ADGRL3: variants seen among roughly 807,000 people sequenced by gnomAD.
The protein encoded by ADGRL3 is calcium-independent alpha-latrotoxin receptor 3.
A neutral mutation model predicts 153.5 loss-of-function variants in ADGRL3; 62 were observed. The ratio of observed to expected loss-of-function variants is 0.40; its 90% CI spans 0.33 to 0.50. The LOEUF is 0.50. ADGRL3 is among the 20% of genes least tolerant of loss of function. ADGRL3 has a pLI of 0.47. For synonymous variants in ADGRL3, 710 were observed against 672.5 expected (o/e 1.06, Z -0.86); for missense variants, 1,641 against 1,859.4 (o/e 0.88, Z 2.16).
At chr4:61,665,756 G>A (rs867166134) in intron 5 of ADGRL3, among the ~76,000 whole-genome samples, 28 of 152,084 alleles carry the variant, frequency 1.8e-4, no homozygotes, top group Middle Eastern at 3.2e-3. Context: ...TTGCTTACTG[G>A]TGATACCATA....
intron 2 of ADGRL3, among the ~76,000 whole-genome samples, chr4:61,495,151 C>T (rs1169336619): frequency 1.3e-5 from 2 of 152,042 alleles, no homozygotes; most frequent in African/African-American, 4.8e-5. Context: ...ACTTGCCCAA[C>T]GTAGTAGAAC....
At chr4:61,527,966 C>T (rs373092694) in intron 4 of ADGRL3, among the ~76,000 whole-genome samples, 56 of 152,050 alleles carry the variant, frequency 3.7e-4, no homozygotes, top group African/African-American at 1.4e-3. Context: ...ATGCCCTTTC[C>T]TCTCTTTTGT....
chr4:61,756,425 G>C (rs574435055), intron 8 of ADGRL3, among the ~76,000 whole-genome samples: 63 of 152,230 alleles, frequency 4.1e-4, no homozygotes, highest in African/African-American at 1.5e-3. Flanking sequence ...CTGTTTGTCT[G>C]TTATTGGTGT....
At chr4:61,861,436 T>C (rs2098339021) in intron 9 of ADGRL3, among the ~76,000 whole-genome samples, 2 of 152,048 alleles carry the variant, frequency 1.3e-5, no homozygotes, top group East Asian at 3.9e-4. Flanking sequence ...AATTAATGGG[T>C]TGGAAAATTA....
intron 11 of ADGRL3, among the ~76,000 whole-genome samples, chr4:61,909,269 T>C (rs775076580): frequency 2.0e-5 from 3 of 152,120 alleles, no homozygotes; most frequent in African/African-American, 4.8e-5. Flanking sequence ...GAGAAAATAA[T>C]AGGGCAAACC....
In ADGRL3 at chr4:61,789,401, T is replaced by C. The variant is rs149697062; in HGVS notation, c.1400-24408T>C. Among the ~76,000 whole-genome samples, 311 of 152,268 alleles carry C rather than the reference T, an allele frequency of 2.0e-3. 3 individuals carry two copies. Among genetic ancestry groups the C allele is most frequent in the African/African-American group, 7.2e-3 (298 of 41,564 alleles). ...TATGACACACTTGAAGACAGGCCAA[T>C]TAATCACCAAGCGTGCTGAGTAAAG... is the stretch of plus-strand genomic sequence containing the variant. On this transcript the variant is annotated intron_variant, in intron 8 of 26. Transcript: ENST00000683033.
At chr4:61,304,411 T>C (rs1375330206) in intron 1 of ADGRL3, among the ~76,000 whole-genome samples, 2 of 152,240 alleles carry the variant, frequency 1.3e-5, no homozygotes, top group Non-Finnish European at 2.9e-5. Context: ...CTTTAGGTTA[T>C]GCTACTAAAA....
intron 11 of ADGRL3, among the ~76,000 whole-genome samples, chr4:61,904,189 A>C (rs2098682873): frequency 6.6e-6 from 1 of 151,642 alleles, no homozygotes; most frequent in Non-Finnish European, 1.5e-5. Flanking sequence ...AAAAAAAAAA[A>C]AAAACACTTC....
intron 2 of ADGRL3, among the ~76,000 whole-genome samples, chr4:61,400,912 A>G (rs2096922706): frequency 1.3e-5 from 2 of 150,970 alleles, no homozygotes; most frequent in Admixed American, 1.3e-4. Flanking sequence ...AAGGTCTGTT[A>G]GAATTCTCAT....
chr4:61,583,780 A>G (rs2098935458), intron 4 of ADGRL3: 2 of 516,874 alleles, frequency 3.9e-6, no homozygotes, highest in Non-Finnish European at 7.7e-6. Flanking sequence ...GCAGATATCT[A>G]TTACACACCT....
intron 8 of ADGRL3, among the ~76,000 whole-genome samples, chr4:61,734,563 T>C (rs910138878): frequency 2.0e-5 from 3 of 152,130 alleles, no homozygotes; most frequent in African/African-American, 7.2e-5. Flanking sequence ...TTACTCACTA[T>C]CACAAGAACA....
At chr4:61,873,727 A>G (rs2098458600) in intron 9 of ADGRL3, among the ~76,000 whole-genome samples, 1 of 152,160 alleles carries the variant, frequency 6.6e-6, no homozygotes, top group Non-Finnish European at 1.5e-5. Flanking sequence ...GTAAATGAAG[A>G]AATTCCTCTA....
At chr4:61,275,400 C>G (rs1031246878) in intron 1 of ADGRL3, among the ~76,000 whole-genome samples, 4 of 152,106 alleles carry the variant, frequency 2.6e-5, no homozygotes, top group Non-Finnish European at 5.9e-5. Flanking sequence ...GAGCATCTGC[C>G]TAGTGTTGGT....
intron 7 of ADGRL3, among the ~76,000 whole-genome samples, chr4:61,731,223 C>A (rs939636155): frequency 7.2e-5 from 11 of 151,816 alleles, no homozygotes; most frequent in Non-Finnish European, 1.3e-4. Context: ...TTAGCCTGTT[C>A]CCAAACTTGT....
rs1459100335 is a variant in ADGRL3, at chr4:61,582,171, AT to A, written c.260-5049del. ...TGGAGATTAGGCTGTAGCTCTTATT[AT>A]TTTTTTCTTTTAATTTAATTTTATT... On this transcript the variant is annotated intron_variant, in intron 4 of 26. Coordinates refer to ENST00000683033, the MANE Select transcript of ADGRL3 (RefSeq NM_001387552.1). Among the ~76,000 whole-genome samples the A allele has an allele frequency of 5.3e-5, 8 of 152,020 alleles. No individual in the cohort carries two copies. In the East Asian group the frequency reaches 1.4e-3, roughly 26 times the overall value.
At chr4:61,591,428 ATCTACTTTCTG>A (rs1483827973) in intron 5 of ADGRL3, among the ~76,000 whole-genome samples, 5 of 152,098 alleles carry the variant, frequency 3.3e-5, no homozygotes, top group Admixed American at 2.0e-4. Context: ...GCAGTGTCCA[ATCTACTTTCTG>A]TCTATATGTT....
At chr4:61,411,610 G>A (rs555183942) in intron 2 of ADGRL3, among the ~76,000 whole-genome samples, 55 of 152,160 alleles carry the variant, frequency 3.6e-4, no homozygotes, top group Non-Finnish European at 7.1e-4. Flanking sequence ...TGATATTTCT[G>A]CAGCTTTACA....
In ADGRL3 at chr4:61,202,760, G is replaced by C. The variant is rs1196524065; in HGVS notation, c.-240+995G>C. On this transcript the variant is annotated intron_variant, in intron 1 of 26. Transcript: ENST00000683033. This position sits in a 1 kb window ranked among gnomAD's most constrained non-coding sequence, Gnocchi z 5.0. Reference sequence around the variant, plus strand: ...ACTATAGGTGGGTGTGTGTGTGTCTGTGCGTGTGTGTGTGGTGTGTAGGGG... The same window carrying C: ...ACTATAGGTGGGTGTGTGTGTGTCTCTGCGTGTGTGTGTGGTGTGTAGGGG... Among the ~76,000 whole-genome samples, 1 of 152,168 alleles carries C rather than the reference G, an allele frequency of 6.6e-6. No homozygotes were observed. The highest frequency in any genetic ancestry group is 1.5e-5 in the Non-Finnish European group (1 of 68,030).
chr4:61,960,818 C>T (rs2098984978), intron 17 of ADGRL3, among the ~76,000 whole-genome samples: 1 of 152,094 alleles, frequency 6.6e-6, no homozygotes, highest in Non-Finnish European at 1.5e-5. Context: ...TCAAGCGATT[C>T]TCTGTCTCAG....
Sources: gnomAD v4.1 joint callset for allele counts (sites outside exome capture counted in the v4.1 genomes callset) on GRCh38, gnomAD v4.1.1 for gene constraint, Gnocchi (gnomAD v3.1) non-coding constraint, MANE v1.5 for transcripts, NCBI Gene and HGNC (gene_info 2026-07-23, HGNC 2026-07-21) for gene names.